Variants in ACVR1 observed in about 807,000 individuals in gnomAD.
ACVR1 encodes the protein activin receptor type-1.
A neutral mutation model predicts 57.1 loss-of-function variants in ACVR1; 38 were observed. The ratio of observed to expected loss-of-function variants is 0.67; its 90% confidence interval spans 0.51 to 0.87. The LOEUF (loss-of-function observed/expected upper bound fraction) is 0.87. Ranked by LOEUF, ACVR1 falls within the 40% of genes least tolerant of loss-of-function variation. The pLI, the probability that ACVR1 is intolerant of heterozygous loss-of-function variation, is 0.00. For synonymous variants in ACVR1, 212 were observed against 228.1 expected (o/e 0.93, Z 0.63); for missense variants, 463 against 638.2 (o/e 0.73, Z 2.96).
rs1328556577 is a variant in ACVR1, at chr2:157,765,956, A to C, written c.1031T>G (p.Val344Gly). 6.2e-7 allele frequency: 1 copy of C among 1,614,160 alleles called. No homozygotes were observed. Among genetic ancestry groups the C allele is most frequent in the Non-Finnish European group, 8.5e-7 (1 of 1,179,996 alleles). Residue 344 changes from valine (V) to glycine (G), a missense_variant, in exon 8 of 11, where the codon GTT (valine) becomes GGT (glycine). By Grantham distance (109) the Val-to-Gly change is moderately radical. Transcript: ENST00000434821. ...HRDLKSKNILVKKNGQCCIAD... is the reference protein window; with the variant it reads ...HRDLKSKNILGKKNGQCCIAD... ...TATGCAACACTGTCCATTCTTCTTA[A>C]CCAGAATATTTTTGCTCTTTAAATC...
At chr2:157,781,502 C>G (rs1015427251) in intron 3 of ACVR1, among the ~76,000 whole-genome samples, 6 of 152,132 alleles carry the variant, frequency 3.9e-5, no homozygotes, top group Non-Finnish European at 5.9e-5. Context: ...GAATTAACAC[C>G]TGCTTAAGAA....
chr2:157,812,871 T>G (rs1181314716), intron 2 of ACVR1, among the ~76,000 whole-genome samples: 1 of 152,186 alleles, frequency 6.6e-6, no homozygotes, highest in East Asian at 1.9e-4. Context: ...TATAAAGTGG[T>G]CCTTCCTCCC....
intron 7 of ACVR1, among the ~76,000 whole-genome samples, chr2:157,767,077 G>A (rs940830650): frequency 5.9e-5 from 9 of 152,084 alleles, no homozygotes; most frequent in Admixed American, 2.0e-4. Flanking sequence ...TGTTGCCCAG[G>A]CTGGAGTGCA....
intron 3 of ACVR1, among the ~76,000 whole-genome samples, chr2:157,782,860 A>C (rs1177751835): frequency 6.6e-6 from 1 of 152,248 alleles, no homozygotes; most frequent in Non-Finnish European, 1.5e-5. Flanking sequence ...AAAAGATCAT[A>C]GATACCCCAG....
intron 1 of ACVR1, among the ~76,000 whole-genome samples, chr2:157,854,451 A>G (rs1689435954): frequency 1.3e-5 from 2 of 152,144 alleles, no homozygotes; most frequent in Admixed American, 6.5e-5. Context: ...GGCCGGGTGC[A>G]GTGGCTCACG....
At chr2:157,818,810 G>A (rs1321984086) in intron 1 of ACVR1, among the ~76,000 whole-genome samples, 4 of 152,098 alleles carry the variant, frequency 2.6e-5, no homozygotes, top group Non-Finnish European at 4.4e-5. Flanking sequence ...CGGGCGCGGT[G>A]GCTCACGCCT....
At chr2:157,869,293 A>T (rs1221901303) in intron 1 of ACVR1, among the ~76,000 whole-genome samples, 2 of 152,228 alleles carry the variant, frequency 1.3e-5, no homozygotes, top group Non-Finnish European at 2.9e-5. Context: ...GGAGAGGGGC[A>T]TAGGGGTAAG....
At chr2:157,762,927 G>A (rs1217414214) in intron 8 of ACVR1, among the ~76,000 whole-genome samples, 2 of 152,104 alleles carry the variant, frequency 1.3e-5, no homozygotes, top group Non-Finnish European at 1.5e-5. Flanking sequence ...CAACCTCCAC[G>A]AGACCCTGAG....
chr2:157,815,198 A>C, intron 2 of ACVR1, among the ~76,000 whole-genome samples: 1 of 152,336 alleles, frequency 6.6e-6, no homozygotes, highest in East Asian at 1.9e-4. Flanking sequence ...CCATGTGTGT[A>C]AAAGAAAAAT....
At chr2:157,805,775 C>G (rs1378947147) in intron 2 of ACVR1, among the ~76,000 whole-genome samples, 2 of 150,340 alleles carry the variant, frequency 1.3e-5, no homozygotes, top group African/African-American at 4.9e-5. Context: ...TCATCCTTAA[C>G]AGTTTTTTGT....
Position 157,777,224 on chromosome 2 carries a change from A to G in ACVR1, c.543+907T>C, listed in dbSNP as rs370987434. Among the ~76,000 whole-genome samples the G allele has an allele frequency of 9.1e-4, 138 of 152,354 alleles. 1 individual carries two copies. The highest frequency in any genetic ancestry group is 3.3e-3 in the African/African-American group (136 of 41,582). ...AGTCATTTTTTAATGTGATTTTATC[A>G]TTTAAAAATATGCAAAAGAATAATT... On this transcript the variant is annotated intron_variant, in intron 5 of 10. Coordinates refer to ENST00000434821, the MANE Select transcript of ACVR1 (RefSeq NM_001111067.4).
chr2:157,842,221 G>A (rs950022450), intron 1 of ACVR1, among the ~76,000 whole-genome samples: 9 of 152,082 alleles, frequency 5.9e-5, no homozygotes, highest in African/African-American at 2.2e-4. Flanking sequence ...CTCCAGGACT[G>A]GCACAGTGCT....
intron 1 of ACVR1, among the ~76,000 whole-genome samples, chr2:157,840,882 G>A (rs1244771365): frequency 2.6e-5 from 4 of 152,218 alleles, no homozygotes; most frequent in Non-Finnish European, 5.9e-5. Context: ...GGCAGGGTCC[G>A]CTTCAAGAAC....
At chr2:157,764,177 T>TCA (rs1283346806) in intron 8 of ACVR1, among the ~76,000 whole-genome samples, 2 of 151,854 alleles carry the variant, frequency 1.3e-5, no homozygotes, top group South Asian at 2.1e-4. Flanking sequence ...TAATATATGA[T>TCA]CACACTATAT....
chr2:157,822,980 A>G (rs1688210644), intron 1 of ACVR1, among the ~76,000 whole-genome samples: 1 of 152,250 alleles, frequency 6.6e-6, no homozygotes, highest in Non-Finnish European at 1.5e-5. Context: ...TTCTTGCAAT[A>G]CCAAGCGTAG....
chr2:157,821,305 C>G (rs1241861101), intron 1 of ACVR1, among the ~76,000 whole-genome samples: 1 of 152,092 alleles, frequency 6.6e-6, no homozygotes, highest in African/African-American at 2.4e-5. Flanking sequence ...GTGGGTGGAC[C>G]ACCTGAGGTC....
chr2:157,808,645 C>A (rs1463254377), intron 2 of ACVR1, among the ~76,000 whole-genome samples: 1 of 152,070 alleles, frequency 6.6e-6, no homozygotes, highest in African/African-American at 2.4e-5. Context: ...CCAGAGCCAT[C>A]CCTAATGACC....
chr2:157,802,038 A>G (rs538604345), intron 2 of ACVR1, among the ~76,000 whole-genome samples: 1 of 152,356 alleles, frequency 6.6e-6, no homozygotes, highest in Non-Finnish European at 1.5e-5. Context: ...ATAATTAAAA[A>G]CTGAATAAGA....
At chr2:157,764,333 C>G (rs887014058) in intron 8 of ACVR1, among the ~76,000 whole-genome samples, 1 of 151,356 alleles carries the variant, frequency 6.6e-6, no homozygotes, top group East Asian at 1.9e-4. Context: ...CAGACGCACG[C>G]TACCACGCCC....
Sources: allele counts gnomAD v4.1 joint callset (sites outside exome capture counted in the v4.1 genomes callset), GRCh38; gene constraint gnomAD v4.1.1; transcripts MANE v1.5; gene names NCBI Gene and HGNC (gene_info 2026-07-23, HGNC 2026-07-21).